The following MAP3K20 variants were observed in gnomAD, a reference collection of about 807,000 sequenced individuals.
MAP3K20 encodes the protein HCCS-4.
MAP3K20 carries 40 observed loss-of-function variants against 85.7 expected under a neutral mutation model. The observed-to-expected ratio is 0.47, with a 90% confidence interval of 0.36 to 0.61. The LOEUF (loss-of-function observed/expected upper bound fraction) is 0.61, where lower values mean the gene tolerates loss of function less well. Ranked by LOEUF, MAP3K20 falls within the 20% of genes least tolerant of loss-of-function variation. The probability of loss-of-function intolerance (pLI) is 0.00; values close to 1 mark genes in which losing one functional copy is unlikely to be tolerated. For missense variants in MAP3K20, 817 were observed against 961.7 expected (o/e 0.85, Z 1.99); for synonymous variants, 325 against 327.7 (o/e 0.99, Z 0.09).
chr2:173,199,679 ATTTTG>A (rs1303757008), intron 8 of MAP3K20, among the ~76,000 whole-genome samples: 1 of 112,582 alleles, frequency 8.9e-6, no homozygotes, highest in Non-Finnish European at 1.9e-5. Flanking sequence ...TTTTTTTTTC[ATTTTG>A]TTTTGTTTTT....
At chr2:173,094,407 T>C (rs942825744) in intron 2 of MAP3K20, among the ~76,000 whole-genome samples, 6 of 152,222 alleles carry the variant, frequency 3.9e-5, no homozygotes, top group Admixed American at 3.9e-4. Context: ...TCAAAAAATG[T>C]AACAATGATA....
chr2:173,112,670 G>A (rs1354041781), intron 2 of MAP3K20, among the ~76,000 whole-genome samples: 1 of 152,068 alleles, frequency 6.6e-6, no homozygotes, highest in Non-Finnish European at 1.5e-5. Flanking sequence ...CTATTGAAAC[G>A]ACCATGTCAC....
intron 16 of MAP3K20, among the ~76,000 whole-genome samples, chr2:173,240,070 A>G (rs149440719): frequency 1.3e-5 from 2 of 152,338 alleles, no homozygotes; most frequent in East Asian, 3.9e-4. Flanking sequence ...TAATAATGAT[A>G]ACTTCTGTTA....
At chr2:173,180,759 A>G (rs2106263079) in intron 3 of MAP3K20, among the ~76,000 whole-genome samples, 1 of 152,312 alleles carries the variant, frequency 6.6e-6, no homozygotes, top group African/African-American at 2.4e-5. Flanking sequence ...AAAATGGATC[A>G]TAAGCCTAAG....
rs188864784 is a variant in MAP3K20 at position 173,232,241 on chromosome 2, C to T, written c.1063+19C>T. The stretch of plus-strand genomic sequence containing the variant: ...AGAAAAGGCAAGTGGAATAAGTTAC[C>T]TTCTTCAATCATGGAGTTAACTTTG... On this transcript the variant is annotated intron_variant, in intron 13 of 19. Coordinates refer to ENST00000375213, the MANE Select transcript of MAP3K20 (RefSeq NM_016653.3). 3.9e-5 allele frequency: 63 copies of T among 1,614,176 alleles called. No individual in the cohort carries two copies. Among genetic ancestry groups the T allele is most frequent in the Non-Finnish European group, 5.2e-5 (61 of 1,180,020 alleles).
chr2:173,082,244 G>T (rs903343558), intron 1 of MAP3K20, among the ~76,000 whole-genome samples: 4 of 152,072 alleles, frequency 2.6e-5, no homozygotes, highest in Non-Finnish European at 5.9e-5. Flanking sequence ...CTGACCTCAA[G>T]CGATACTCCC....
chr2:173,101,934 C>T (rs1458085230), intron 2 of MAP3K20, among the ~76,000 whole-genome samples: 1 of 152,166 alleles, frequency 6.6e-6, no homozygotes, highest in African/African-American at 2.4e-5. Context: ...CCATTGATGA[C>T]ATATGAGATG....
chr2:173,208,660 A>ATATT (rs1256381257), intron 9 of MAP3K20, among the ~76,000 whole-genome samples: 1 of 152,198 alleles, frequency 6.6e-6, no homozygotes, highest in East Asian at 1.9e-4. Flanking sequence ...CTAGGTTTTT[A>ATATT]TATTTCTGAG....
chr2:173,119,746 A>G (rs1050009436), intron 2 of MAP3K20, among the ~76,000 whole-genome samples: 2 of 152,182 alleles, frequency 1.3e-5, no homozygotes, highest in African/African-American at 4.8e-5. Context: ...TTCACCTATG[A>G]TGAAGGTCAG....
chr2:173,210,911 G>C, intron 10 of MAP3K20: 1 of 152,162 alleles, frequency 6.6e-6, no homozygotes, highest in Non-Finnish European at 1.5e-5. Flanking sequence ...TTATTCCTTT[G>C]AAATATCTTA....
At chr2:173,093,846 G>A (rs550520998) in intron 2 of MAP3K20, among the ~76,000 whole-genome samples, 103 of 152,016 alleles carry the variant, frequency 6.8e-4, no homozygotes, top group Non-Finnish European at 8.8e-4. Flanking sequence ...GTAGGGACAA[G>A]GATGAAATTG....
intron 16 of MAP3K20, among the ~76,000 whole-genome samples, chr2:173,251,387 G>A (rs902367356): frequency 1.3e-5 from 2 of 152,084 alleles, no homozygotes; most frequent in African/African-American, 4.8e-5. Flanking sequence ...TTTGGCATGC[G>A]TGGACTTGAA....
chr2:173,258,919 A>G, intron 17 of MAP3K20, 104 bp downstream of exon 17: 1 of 680,264 alleles, frequency 1.5e-6, no homozygotes, highest in Non-Finnish European at 2.5e-6. Context: ...CCATGCTCAC[A>G]TCAGCTCAGC....
chr2:173,119,480 C>T (rs1688217721), intron 2 of MAP3K20, among the ~76,000 whole-genome samples: 1 of 152,180 alleles, frequency 6.6e-6, no homozygotes, highest in Non-Finnish European at 1.5e-5. Context: ...CAGGTCTCTT[C>T]CTCCACTAGG....
chr2:173,209,988 T>G, intron 10 of MAP3K20, 153 bp downstream of exon 10: 1 of 662,946 alleles, frequency 1.5e-6, no homozygotes, highest in South Asian at 1.8e-5. Context: ...TTTGGAACTC[T>G]TATAAGTCCT....
chr2:173,172,677 AATTT>A (rs1270618897), intron 3 of MAP3K20, among the ~76,000 whole-genome samples: 2 of 152,194 alleles, frequency 1.3e-5, no homozygotes, highest in Non-Finnish European at 2.9e-5. Context: ...GGTAGCTGCC[AATTT>A]ATTTCCCTTG....
chr2:173,258,211 G>A (rs1403127120), intron 16 of MAP3K20, among the ~76,000 whole-genome samples: 1 of 152,146 alleles, frequency 6.6e-6, no homozygotes, highest in Admixed American at 6.5e-5. Flanking sequence ...GTATTAAGAG[G>A]AAAGTGAGAG....
At chr2:173,168,182 G>A (rs973848895) in intron 2 of MAP3K20, among the ~76,000 whole-genome samples, 3 of 151,912 alleles carry the variant, frequency 2.0e-5, no homozygotes, top group Non-Finnish European at 2.9e-5. Flanking sequence ...GAATAGTTGT[G>A]TTGCACAAAT....
rs1391948186 is a variant in MAP3K20, at chr2:173,076,016, TGGA to T, written c.-35+16_-35+18del. The T allele has an allele frequency of 4.1e-6, 4 of 983,912 alleles. No homozygotes were observed. In the East Asian group the frequency reaches 4.6e-4, roughly 113 times the overall value. 60.9% of individuals were successfully genotyped at this position (983,912 alleles called of 1,614,324 possible). On this transcript the variant is annotated intron_variant, in intron 1 of 19. Coordinates refer to ENST00000375213, the MANE Select transcript of MAP3K20 (RefSeq NM_016653.3). ...CCCGGGAGCCAGGTAGGGGTCAGGC[TGGA>T]GCCCGCGGAGGGCGGGGAGGGAGGG...
Sources: gnomAD v4.1 joint callset for allele counts (sites outside exome capture counted in the v4.1 genomes callset) on GRCh38, gnomAD v4.1.1 for gene constraint, MANE v1.5 for transcripts, NCBI Gene and HGNC (gene_info 2026-07-23, HGNC 2026-07-21) for gene names.